NCAPD2: variants seen among roughly 807,000 people sequenced by gnomAD.
NCAPD2 encodes condensin complex subunit 1.
NCAPD2 carries 100 observed loss-of-function variants against 164.5 expected under a neutral mutation model. The ratio of observed to expected loss-of-function variants is 0.61; its 90% CI spans 0.52 to 0.72. The LOEUF (loss-of-function observed/expected upper bound fraction) is 0.72, where lower values mean the gene tolerates loss of function less well. NCAPD2 is among the 30% of genes least tolerant of loss of function. The probability of loss-of-function intolerance (pLI) is 0.00; values close to 1 mark genes in which losing one functional copy is unlikely to be tolerated. For missense variants in NCAPD2, 1,560 were observed against 1,749.2 expected (o/e 0.89, Z 1.93); for synonymous variants, 585 against 642.6 (o/e 0.91, Z 1.36).
At chr12:6,495,027 A>C in intron 1 of NCAPD2, 49 bp from the exon 2 acceptor site, 2 of 1,576,714 alleles carry the variant, frequency 1.3e-6, no homozygotes, top group South Asian at 2.3e-5. Context: ...CCAGATACGA[A>C]GACAGGTCTT....
chr12:6,517,940 C>T lies in NCAPD2; in HGVS notation c.1570C>T (p.Leu524Phe). 1.2e-6 allele frequency: 2 copies of T among 1,613,764 alleles called. No homozygotes were observed. The highest frequency in any genetic ancestry group is 1.7e-6 in the Non-Finnish European group (2 of 1,180,010). Residue 524 changes from leucine (L) to phenylalanine (F), a missense_variant, in exon 13 of 32, where the codon CTT becomes TTT. Transcript: ENST00000315579. Reference protein sequence around the residue: ...EDVKGRIYQLLAKASYKKAII... With the variant: ...EDVKGRIYQLFAKASYKKAII... ...TGTGAAAGGACGCATCTATCAACTG[C>T]TTGCCAAAGCTAGTTACAAGTAGGC...
intron 16 of NCAPD2, 68 bp downstream of exon 16, chr12:6,523,070 C>T (rs1391956221): frequency 1.3e-6 from 2 of 1,570,382 alleles, no homozygotes; most frequent in African/African-American, 2.7e-5. Context: ...TCCCTTGTCT[C>T]CTAAAGGAAG....
At chr12:6,530,860 C>T in intron 30 of NCAPD2, 43 bp downstream of exon 30, 1 of 1,613,854 alleles carries the variant, frequency 6.2e-7, no homozygotes, top group Non-Finnish European at 8.5e-7. Flanking sequence ...ACTGGGCCCT[C>T]CCCTCCTGCA....
At chr12:6,529,626 G>C in intron 28 of NCAPD2, 33 bp downstream of exon 28, 1 of 1,612,320 alleles carries the variant, frequency 6.2e-7, no homozygotes, top group African/African-American at 1.3e-5. Context: ...TCTTTGTGCT[G>C]AGCGGGGCCC....
Position 6,516,721 on chromosome 12 carries a change from G to A in NCAPD2, c.988-107G>A. ...TCTTTGGGATTCAGCTTTCTCCTGTGACCTTGGGAGTGAATACCTAGGCAG... is the reference window on the plus strand; with the variant it reads ...TCTTTGGGATTCAGCTTTCTCCTGTAACCTTGGGAGTGAATACCTAGGCAG... On this transcript the variant is annotated intron_variant, in intron 9 of 31. Coordinates refer to ENST00000315579, the MANE Select transcript of NCAPD2 (RefSeq NM_014865.4). 4 of 1,064,192 alleles carry A rather than the reference G, an allele frequency of 3.8e-6. No individual in the cohort carries two copies. In the South Asian group the frequency reaches 6.0e-5, roughly 16 times the overall value. The allele number at this position is 1,064,192 out of a possible 1,614,324, so 65.9% of individuals were successfully genotyped here.
chr12:6,500,867 A>G (rs1946027895), intron 2 of NCAPD2, among the ~76,000 whole-genome samples: 1 of 152,174 alleles, frequency 6.6e-6, no homozygotes, highest in Non-Finnish European at 1.5e-5. Context: ...AGGCAAGGAG[A>G]GAAGCAGGGA....
chr12:6,504,224 G>GATATAGAT (rs1946076841), intron 2 of NCAPD2, among the ~76,000 whole-genome samples: 1 of 32,816 alleles, frequency 3.0e-5, no homozygotes, highest in Middle Eastern at 0.019. Flanking sequence ...TATAGATATA[G>GATATAGAT]ATATATATAT....
rs1946338443 is a variant in NCAPD2, at chr12:6,528,483, A to T, written c.3299+155A>T. 8.4e-7 allele frequency: 1 copy of T among 1,186,902 alleles called. No individual in the cohort carries two copies. The highest frequency in any genetic ancestry group is 2.3e-5 in the Admixed American group (1 of 43,956). The allele number at this position is 1,186,902 out of a possible 1,614,324, so 73.5% of individuals were successfully genotyped here. A position where few individuals can be genotyped will look rare whatever the true frequency, so the allele number is the denominator to read the frequency against. ...CTGTACAGGCCCCTGGCTAAGAGTCACCCCAGTGGGACTGACACTTCTGGT... is the reference window on the plus strand; with the variant it reads ...CTGTACAGGCCCCTGGCTAAGAGTCTCCCCAGTGGGACTGACACTTCTGGT... On this transcript the variant is annotated intron_variant, in intron 25 of 31. Coordinates refer to ENST00000315579, the MANE Select transcript of NCAPD2 (RefSeq NM_014865.4). The surrounding 1 kb of genome is among the most constrained non-coding windows in gnomAD (Gnocchi z 5.1).
rs1420655691 is a variant in NCAPD2, at chr12:6,528,279, A to G, written c.3250A>G (p.Ile1084Val). The G allele has an allele frequency of 2.5e-6, 4 of 1,613,726 alleles. No individual in the cohort carries two copies. The African/African-American group carries it at 4.0e-5, about 16-fold the overall frequency. Residue 1084 changes from isoleucine (I) to valine (V), a missense_variant, in exon 25 of 32, where the codon ATC (isoleucine) becomes GTC (valine). Coordinates refer to ENST00000315579, the MANE Select transcript of NCAPD2 (RefSeq NM_014865.4). This position sits in a 1 kb window ranked among gnomAD's most constrained non-coding sequence, Gnocchi z 5.1. The part of the protein sequence containing the change: ...NLMVATGDLA[I>V]RFPNLVDPWT... ...CATGGTTGCCACTGGGGATCTGGCC[A>G]TCCGCTTTCCCAATCTGGTGGACCC...
At chr12:6,504,236 T>TATATATAC (rs1946078060) in intron 2 of NCAPD2, among the ~76,000 whole-genome samples, 1 of 95,786 alleles carries the variant, frequency 1.0e-5, no homozygotes, top group African/African-American at 3.8e-5. Flanking sequence ...TATATATATA[T>TATATATAC]ATATATACCA....
Position 6,528,570 on chromosome 12 carries a change from C to A in NCAPD2, c.3300-109C>A. ...ACTCTAGACAGCTTTCTGACTGCTT[C>A]TGGAGTGGCAGAGCATGGGATAATT... On this transcript the variant is annotated intron_variant, in intron 25 of 31. Coordinates refer to ENST00000315579, the MANE Select transcript of NCAPD2 (RefSeq NM_014865.4). The surrounding 1 kb of genome is among the most constrained non-coding windows in gnomAD (Gnocchi z 5.1). 7.5e-7 allele frequency: 1 copy of A among 1,328,138 alleles called. No individual in the cohort carries two copies. The highest frequency in any genetic ancestry group is 1.0e-6 in the Non-Finnish European group (1 of 959,724). 82.3% of individuals were successfully genotyped at this position (1,328,138 alleles called of 1,614,324 possible). A position where few individuals can be genotyped will look rare whatever the true frequency, so the allele number is the denominator to read the frequency against.
chr12:6,510,564 T>A, intron 4 of NCAPD2, 65 bp from the exon 5 acceptor site: 1 of 1,537,936 alleles, frequency 6.5e-7, no homozygotes. Context: ...AAGTGCTGGG[T>A]GTTTTGAAGT....
intron 2 of NCAPD2, among the ~76,000 whole-genome samples, chr12:6,504,503 C>T (rs1459072985): frequency 2.0e-5 from 3 of 151,820 alleles, no homozygotes; most frequent in African/African-American, 7.3e-5. Flanking sequence ...AGTGATTTTC[C>T]GGCCTTAGCC....
intron 19 of NCAPD2, 32 bp downstream of exon 19, chr12:6,526,232 T>C (rs763259177): frequency 1.9e-6 from 3 of 1,613,022 alleles, no homozygotes; most frequent in Admixed American, 3.3e-5. Flanking sequence ...CTAAGGAGAG[T>C]GGAGATTCTC....
chr12:6,520,864 T>C (rs1946257270), intron 13 of NCAPD2, 122 bp from the exon 14 acceptor site: 2 of 1,344,492 alleles, frequency 1.5e-6, no homozygotes, highest in East Asian at 2.4e-5. Flanking sequence ...TTTTTAAGCA[T>C]GTTAAGTGCT....
chr12:6,497,016 A>G (rs1368153051), intron 2 of NCAPD2, among the ~76,000 whole-genome samples: 2 of 152,194 alleles, frequency 1.3e-5, no homozygotes, highest in Non-Finnish European at 2.9e-5. Context: ...GTTACAGGGC[A>G]CAGGACTGTA....
At chr12:6,514,184 G>C in intron 6 of NCAPD2, 81 bp from the exon 7 acceptor site, 1 of 1,573,468 alleles carries the variant, frequency 6.4e-7, no homozygotes, top group Non-Finnish European at 8.7e-7. Flanking sequence ...GGAGCAGTAG[G>C]GATAGAATGA....
Position 6,514,820 on chromosome 12 carries a change from G to T in NCAPD2, c.887G>T (p.Gly296Val). The T allele has an allele frequency of 6.2e-7, 1 of 1,614,186 alleles. No individual in the cohort carries two copies. Among genetic ancestry groups the T allele is most frequent in the Non-Finnish European group, 8.5e-7 (1 of 1,180,028 alleles). Residue 296 changes from glycine (G) to valine (V), a missense_variant, in exon 9 of 32, where the codon GGG (glycine) becomes GTG (valine). Coordinates refer to ENST00000315579, the MANE Select transcript of NCAPD2 (RefSeq NM_014865.4). ...CAAGAGCTGAGTCGAGACCCTTCAG[G>T]GACAAAGGGCTTTGCAGCATTCCTG... ...CPQELSRDPS[G>V]TKGFAAFLTE... is the part of the protein sequence containing the mutation.
At chr12:6,514,723 A>T in intron 8 of NCAPD2, 50 bp from the exon 9 acceptor site, 2 of 1,609,898 alleles carry the variant, frequency 1.2e-6, no homozygotes, top group Non-Finnish European at 1.7e-6. Flanking sequence ...CTTACTGGGA[A>T]CTGAATAATT....
Sources: allele counts gnomAD v4.1 joint callset (sites outside exome capture counted in the v4.1 genomes callset), GRCh38; gene constraint gnomAD v4.1.1; non-coding constraint Gnocchi (gnomAD v3.1); transcripts MANE v1.5; gene names NCBI Gene and HGNC (gene_info 2026-07-23, HGNC 2026-07-21).